The following PDZD8 variants were observed in gnomAD, a reference collection of about 807,000 sequenced individuals.
The protein encoded by PDZD8 is PDZ domain containing 8, also known as PDZ domain-containing protein 8.
A neutral mutation model predicts 85.8 loss-of-function variants in PDZD8; 14 were observed. That is an observed-to-expected ratio of 0.16 (90% CI 0.11 to 0.26). The LOEUF is 0.26. PDZD8 is among the 10% of genes least tolerant of loss of function. The probability of loss-of-function intolerance (pLI) is 1.00; values close to 1 mark genes in which losing one functional copy is unlikely to be tolerated. For synonymous variants in PDZD8, 592 were observed against 568.6 expected (o/e 1.04, Z -0.59); for missense variants, 1,197 against 1,424.3 (o/e 0.84, Z 2.57).
chr10:117,359,042 T>C (rs888434188), intron 1 of PDZD8, among the ~76,000 whole-genome samples: 3 of 150,348 alleles, frequency 2.0e-5, no homozygotes, highest in South Asian at 4.2e-4. Flanking sequence ...GTGGTGATGA[T>C]TTCAGTCCCA....
chr10:117,287,092 T>C (rs1844676969), intron 4 of PDZD8, among the ~76,000 whole-genome samples: 1 of 152,218 alleles, frequency 6.6e-6, no homozygotes, highest in African/African-American at 2.4e-5. Flanking sequence ...TTTTTAGTAT[T>C]ATCTTACTTC....
intron 3 of PDZD8, among the ~76,000 whole-genome samples, chr10:117,312,792 C>T (rs1844060900): frequency 6.6e-6 from 1 of 152,142 alleles, no homozygotes; most frequent in Non-Finnish European, 1.5e-5. Flanking sequence ...CTTTATATGG[C>T]TATCTCATTT....
intron 3 of PDZD8, among the ~76,000 whole-genome samples, chr10:117,312,948 A>C (rs143259129): frequency 1.8e-4 from 27 of 152,318 alleles, no homozygotes; most frequent in Middle Eastern, 3.4e-3. Context: ...TCATTTTGTG[A>C]CATCTTTCAT....
Position 117,337,985 on chromosome 10 carries a change from G to A in PDZD8, c.995+2995C>T, listed in dbSNP as rs151019020. On this transcript the variant is annotated intron_variant, in intron 2 of 4. Transcript: ENST00000334464. The stretch of plus-strand genomic sequence containing the variant: ...TCTCTAGTGCCTCTTTTTGCTTCAG[G>A]AATTAGAATAAAACACACAAGCTGA... Among the ~76,000 whole-genome samples, 10 of 152,048 alleles carry A rather than the reference G, an allele frequency of 6.6e-5. No homozygotes were observed. The East Asian group carries it at 1.9e-3, about 29-fold the overall frequency.
chr10:117,312,827 C>T (rs149134647), intron 3 of PDZD8, among the ~76,000 whole-genome samples: 2 of 151,838 alleles, frequency 1.3e-5, no homozygotes, highest in African/African-American at 4.8e-5. Context: ...ATTATTTGTC[C>T]TCGCCCTATC....
chr10:117,347,770 G>T (rs955894925), intron 1 of PDZD8, among the ~76,000 whole-genome samples: 4 of 152,082 alleles, frequency 2.6e-5, no homozygotes, highest in African/African-American at 9.7e-5. Context: ...AGAACCAGAA[G>T]GAGAGAAAAG....
Position 117,284,324 on chromosome 10 carries a change from G to T in PDZD8, c.2409C>A (p.His803Gln), listed in dbSNP as rs363295. 6.8e-4 allele frequency: 1,094 copies of T among 1,614,082 alleles called. 3 individuals are homozygous for T. In the African/African-American group the frequency reaches 0.013, roughly 19 times the overall value. Residue 803 changes from histidine (H) to glutamine (Q), a missense_variant, in exon 5 of 5, where the codon CAC (histidine) becomes CAA (glutamine). His to Gln is a conservative substitution (Grantham distance 24, BLOSUM62 0). Transcript: ENST00000334464. ...FKYLKEGESD[H>Q]HVVTNVEKEK... ...CTTTTTCTACGTTAGTAACTACATGGTGGTCTGATTCTCCTTCTTTCAAAT... is the reference window on the plus strand; with the variant it reads ...CTTTTTCTACGTTAGTAACTACATGTTGGTCTGATTCTCCTTCTTTCAAAT...
At chr10:117,353,589 A>T (rs1422298298) in intron 1 of PDZD8, among the ~76,000 whole-genome samples, 1 of 152,188 alleles carries the variant, frequency 6.6e-6, no homozygotes, top group African/African-American at 2.4e-5. Flanking sequence ...ATGCTAAAGA[A>T]TTATTACTTT....
At chr10:117,289,371 T>C (rs981588651) in intron 4 of PDZD8, among the ~76,000 whole-genome samples, 4 of 152,228 alleles carry the variant, frequency 2.6e-5, no homozygotes, top group African/African-American at 9.6e-5. Context: ...AACTTATTTA[T>C]TGTCTAAGCT....
intron 3 of PDZD8, among the ~76,000 whole-genome samples, chr10:117,308,893 A>T (rs985153814): frequency 2.6e-5 from 4 of 152,158 alleles, no homozygotes; most frequent in African/African-American, 9.7e-5. Flanking sequence ...TGGCACAGAA[A>T]AATTGCAGAA....
At chr10:117,318,662 T>G (rs1295644031) in intron 3 of PDZD8, among the ~76,000 whole-genome samples, 2 of 152,182 alleles carry the variant, frequency 1.3e-5, no homozygotes. Flanking sequence ...TCGGACTAGG[T>G]TTCTTGTGCA....
At chr10:117,373,505 C>T (rs1004547319) in intron 1 of PDZD8, among the ~76,000 whole-genome samples, 15 of 150,676 alleles carry the variant, frequency 1.0e-4, no homozygotes, top group African/African-American at 3.7e-4. Flanking sequence ...CTCCTGTAAT[C>T]CTAACACTTT....
chr10:117,307,446 T>G (rs1452066597), intron 3 of PDZD8, among the ~76,000 whole-genome samples: 1 of 152,062 alleles, frequency 6.6e-6, no homozygotes, highest in East Asian at 1.9e-4. Flanking sequence ...TCAGTATTGA[T>G]CAACTTACAA....
intron 3 of PDZD8, among the ~76,000 whole-genome samples, chr10:117,301,529 A>G (rs533231431): frequency 6.6e-6 from 1 of 152,342 alleles, no homozygotes; most frequent in South Asian, 2.1e-4. Flanking sequence ...TACTTGGCAG[A>G]AAATATGTTA....
intron 2 of PDZD8, among the ~76,000 whole-genome samples, chr10:117,339,128 CAAAAA>C (rs71013660): frequency 1.0e-4 from 13 of 129,408 alleles, no homozygotes; most frequent in African/African-American, 3.6e-4. Context: ...TGGACTTAAC[CAAAAA>C]AAAAAAAAAA....
In PDZD8 at chr10:117,283,052, C is replaced by A; in HGVS notation, c.*216G>T. 2.4e-5 allele frequency: 11 copies of A among 461,672 alleles called. No individual in the cohort carries two copies. The highest frequency in any genetic ancestry group is 1.6e-4 in the South Asian group (3 of 18,282). The allele number at this position is 461,672 out of a possible 1,614,324, so 28.6% of individuals were successfully genotyped here. ...GTAAAAATAAATTCCCAGTATAAAC[C>A]CAAAAAAGCATAGCTATAAATGCAA... On this transcript the variant is annotated 3_prime_UTR_variant, in exon 5 of 5. Transcript: ENST00000334464.
At chr10:117,358,795 A>G (rs1176287847) in intron 1 of PDZD8, among the ~76,000 whole-genome samples, 1 of 152,218 alleles carries the variant, frequency 6.6e-6, no homozygotes, top group African/African-American at 2.4e-5. Context: ...CACTTATTTT[A>G]TAGAGCTATG....
At chr10:117,323,660 G>A (rs1237717496) in intron 2 of PDZD8, among the ~76,000 whole-genome samples, 1 of 152,138 alleles carries the variant, frequency 6.6e-6, no homozygotes, top group Non-Finnish European at 1.5e-5. Context: ...GCACAAAAAT[G>A]AATGTAAGAG....
intron 1 of PDZD8, among the ~76,000 whole-genome samples, chr10:117,351,934 C>T (rs1358486258): frequency 1.3e-5 from 2 of 152,164 alleles, no homozygotes; most frequent in Non-Finnish European, 2.9e-5. Context: ...CTGCTTCGGC[C>T]TCCCAAAGTG....
Sources: gnomAD v4.1 joint callset for allele counts (sites outside exome capture counted in the v4.1 genomes callset) on GRCh38, gnomAD v4.1.1 for gene constraint, MANE v1.5 for transcripts, NCBI Gene and HGNC (gene_info 2026-07-23, HGNC 2026-07-21) for gene names.